The following TTC17 variants were observed in gnomAD, a reference collection of about 807,000 sequenced individuals.
The protein encoded by TTC17 is tetratricopeptide repeat protein 17.
In TTC17, 58 loss-of-function variants were observed where a neutral mutation model predicts 143.8. The ratio of observed to expected loss-of-function variants is 0.40; its 90% confidence interval spans 0.33 to 0.50. The LOEUF (loss-of-function observed/expected upper bound fraction) is 0.50, where lower values mean the gene tolerates loss of function less well. TTC17 is among the 20% of genes least tolerant of loss of function. The pLI, the probability that TTC17 is intolerant of heterozygous loss-of-function variation, is 0.49. For synonymous variants in TTC17, 501 were observed against 497.8 expected (o/e 1.01, Z -0.09); for missense variants, 1,273 against 1,392.5 (o/e 0.91, Z 1.37).
chr11:43,435,133 C>T (rs1039369640), intron 16 of TTC17: 18 of 128,024 alleles, frequency 1.4e-4, no homozygotes, highest in Admixed American at 1.3e-3. Flanking sequence ...ATAGATAGAT[C>T]GGTCTATCTT....
intron 15 of TTC17, among the ~76,000 whole-genome samples, chr11:43,409,282 G>A (rs1429073210): frequency 6.6e-6 from 1 of 152,118 alleles, no homozygotes; most frequent in African/African-American, 2.4e-5. Context: ...ACAGTACTTA[G>A]CTATTATCAA....
chr11:43,379,552 A>G (rs1215337036), intron 2 of TTC17, among the ~76,000 whole-genome samples: 1 of 152,122 alleles, frequency 6.6e-6, no homozygotes, highest in Admixed American at 6.6e-5. Flanking sequence ...TAGCCTGGGT[A>G]TATGCGTGAT....
At chr11:43,485,025 C>T (rs1322183846) in intron 21 of TTC17, among the ~76,000 whole-genome samples, 2 of 151,958 alleles carry the variant, frequency 1.3e-5, no homozygotes, top group African/African-American at 2.4e-5. Flanking sequence ...TGCAGGAAAA[C>T]AAGCTCAGGG....
chr11:43,474,737 C>T (rs1948153658), intron 21 of TTC17, among the ~76,000 whole-genome samples: 1 of 152,210 alleles, frequency 6.6e-6, no homozygotes, highest in African/African-American at 2.4e-5. Context: ...AACTTAACTA[C>T]TAATAGCCCA....
intron 21 of TTC17, among the ~76,000 whole-genome samples, chr11:43,478,116 G>C (rs1255790851): frequency 2.0e-5 from 3 of 152,160 alleles, no homozygotes; most frequent in African/African-American, 4.8e-5. Flanking sequence ...ATGTTAAATG[G>C]TACCATGAGG....
chr11:43,429,502 A>AT (rs1488822359), intron 16 of TTC17, among the ~76,000 whole-genome samples: 1 of 152,184 alleles, frequency 6.6e-6, no homozygotes, highest in Non-Finnish European at 1.5e-5. Context: ...TCCTGGTAAT[A>AT]TTTTTAAGTA....
Position 43,405,873 on chromosome 11 carries a change from C to T in TTC17, c.1683C>T (p.His561=). The T allele has an allele frequency of 6.2e-7, 1 of 1,614,050 alleles. No homozygotes were observed. The highest frequency in any genetic ancestry group is 8.5e-7 in the Non-Finnish European group (1 of 1,179,948). ...DCSITDFRKS[H]TLSYLVKELE... ...CCATAACTGACTTCAGAAAAAGCCA[C>T]ACTCTGTCCTACTTAGTCAAAGAAT... Residue 561 remains histidine (H), a synonymous_variant, in exon 13 of 24, where the codon CAC becomes CAT. Transcript: ENST00000039989.
At chr11:43,448,940 C>G (rs1326008868) in intron 19 of TTC17, 1 of 152,150 alleles carries the variant, frequency 6.6e-6, no homozygotes. Flanking sequence ...CTCCCTTGCT[C>G]TTCAAATTCA....
intron 11 of TTC17, 95 bp from the exon 12 acceptor site, chr11:43,405,419 G>C: frequency 1.1e-6 from 1 of 879,956 alleles, no homozygotes. Flanking sequence ...TTATAGTTTT[G>C]TTCAATTATT....
rs540334481 is a variant in TTC17, at chr11:43,455,232, C to T, written c.3030+3967C>T. ...GAAAACAAAATAACAGTCTGTAGAA[C>T]AGACTAAAACAGTTTTCAGAGAAAT... On this transcript the variant is annotated intron_variant, in intron 21 of 23. Coordinates refer to ENST00000039989, the MANE Select transcript of TTC17 (RefSeq NM_018259.6). Among the ~76,000 whole-genome samples the T allele has an allele frequency of 1.1e-4, 16 of 151,706 alleles. No homozygotes were observed. In the South Asian group the frequency reaches 3.3e-3, roughly 32 times the overall value.
intron 16 of TTC17, among the ~76,000 whole-genome samples, chr11:43,415,721 CTTACAA>C (rs1946763611): frequency 6.6e-6 from 1 of 152,136 alleles, no homozygotes; most frequent in African/African-American, 2.4e-5. Context: ...ACCAGACTGC[CTTACAA>C]TTTTAATAGA....
At chr11:43,389,991 A>G (rs1020193562) in intron 3 of TTC17, among the ~76,000 whole-genome samples, 170 bp downstream of exon 3, 1 of 152,208 alleles carries the variant, frequency 6.6e-6, no homozygotes, top group Non-Finnish European at 1.5e-5. Context: ...TTAATTTAAA[A>G]TATTTAACAC....
chr11:43,405,085 C>T (rs955502067), intron 11 of TTC17, among the ~76,000 whole-genome samples: 1 of 146,976 alleles, frequency 6.8e-6, no homozygotes, highest in Non-Finnish European at 1.5e-5. Context: ...TGACCCATTT[C>T]TTCTTTTTCT....
In TTC17 at chr11:43,411,559, G is replaced by A. The variant is rs114742813; in HGVS notation, c.2065-3031G>A. Among the ~76,000 whole-genome samples the A allele has an allele frequency of 1.2e-3, 179 of 152,162 alleles. 1 individual carries two copies. The highest frequency in any genetic ancestry group is 4.0e-3 in the African/African-American group (165 of 41,510). On this transcript the variant is annotated intron_variant, in intron 15 of 23. Transcript: ENST00000039989. ...GCAGTTACCTTTCTTATTTTCTGCT[G>A]TATCCTCAATGTTCAAAACTATGCC...
intron 15 of TTC17, among the ~76,000 whole-genome samples, chr11:43,409,928 G>A (rs1366928508): frequency 6.6e-6 from 1 of 150,592 alleles, no homozygotes; most frequent in Admixed American, 6.6e-5. Flanking sequence ...TGCAAGCTTC[G>A]CCACCCAGGT....
At chr11:43,414,934 C>T (rs1169073996) in intron 16 of TTC17, among the ~76,000 whole-genome samples, 158 bp downstream of exon 16, 1 of 152,148 alleles carries the variant, frequency 6.6e-6, no homozygotes, top group African/African-American at 2.4e-5. Flanking sequence ...TCCTTACTTA[C>T]TATAGATGCC....
chr11:43,415,546 C>T (rs1164560306), intron 16 of TTC17, among the ~76,000 whole-genome samples: 1 of 152,082 alleles, frequency 6.6e-6, no homozygotes, highest in African/African-American at 2.4e-5. Flanking sequence ...TATTAATATT[C>T]AAATTAGGTT....
intron 16 of TTC17, among the ~76,000 whole-genome samples, chr11:43,437,731 A>G (rs1947323859): frequency 1.3e-5 from 2 of 152,220 alleles, no homozygotes; most frequent in South Asian, 4.1e-4. Context: ...TCAGGAGTCA[A>G]AGTCTTTACA....
At chr11:43,427,946 AT>A (rs1222094706) in intron 16 of TTC17, among the ~76,000 whole-genome samples, 3 of 152,188 alleles carry the variant, frequency 2.0e-5, no homozygotes, top group Admixed American at 2.0e-4. Context: ...ATAATGAGTA[AT>A]TAACTTGTAT....
Sources: allele counts gnomAD v4.1 joint callset (sites outside exome capture counted in the v4.1 genomes callset), GRCh38; gene constraint gnomAD v4.1.1; transcripts MANE v1.5; gene names NCBI Gene and HGNC (gene_info 2026-07-23, HGNC 2026-07-21).